FAM135B: variants seen among roughly 807,000 people sequenced by gnomAD.
FAM135B encodes the protein family with sequence similarity 135 member B, also known as protein FAM135B.
A neutral mutation model predicts 127.7 loss-of-function variants in FAM135B; 43 were observed. That is an observed-to-expected ratio of 0.34 (90% CI 0.26 to 0.43). FAM135B has a LOEUF of 0.43. Among genes scored for constraint, FAM135B ranks in the 20% least tolerant of loss-of-function variants. FAM135B has a pLI of 1.00. For synonymous variants in FAM135B, 670 were observed against 665.1 expected, an observed-to-expected ratio of 1.01 and a Z score of -0.11; for missense variants, 1,558 against 1,725.6, an observed-to-expected ratio of 0.90 and a Z score of 1.72.
intron 1 of FAM135B, among the ~76,000 whole-genome samples, chr8:138,386,233 A>C (rs1832209111): frequency 6.6e-6 from 1 of 151,936 alleles, no homozygotes; most frequent in Non-Finnish European, 1.5e-5. Context: ...ACAAAAAAAA[A>C]AACAAAAACA....
At chr8:138,321,642 A>G (rs1294759914) in intron 2 of FAM135B, among the ~76,000 whole-genome samples, 2 of 152,206 alleles carry the variant, frequency 1.3e-5, no homozygotes, top group African/African-American at 2.4e-5. Context: ...TAGTAATGAC[A>G]GTAATTTTCC....
intron 1 of FAM135B, among the ~76,000 whole-genome samples, chr8:138,493,729 A>G (rs1815285055): frequency 6.6e-6 from 1 of 152,188 alleles, no homozygotes; most frequent in African/African-American, 2.4e-5. Context: ...AAAAGAACAA[A>G]TTTACTTAGA....
intron 4 of FAM135B, among the ~76,000 whole-genome samples, chr8:138,259,839 C>T (rs548683153): frequency 6.6e-6 from 1 of 152,298 alleles, no homozygotes; most frequent in African/African-American, 2.4e-5. Context: ...CCATACAGCA[C>T]ATACCTTATA....
intron 1 of FAM135B, among the ~76,000 whole-genome samples, chr8:138,375,498 G>C (rs956164178): frequency 6.6e-6 from 1 of 152,060 alleles, no homozygotes; most frequent in African/African-American, 2.4e-5. Context: ...CTAAACCTCA[G>C]TCTCCTCCTC....
intron 7 of FAM135B, among the ~76,000 whole-genome samples, chr8:138,198,987 G>T (rs1425937675): frequency 3.3e-5 from 5 of 152,290 alleles, no homozygotes; most frequent in African/African-American, 9.6e-5. Context: ...TCTGCCTGCT[G>T]GAAGAAACGC....
At chr8:138,312,113 A>T (rs1482519579) in intron 2 of FAM135B, among the ~76,000 whole-genome samples, 1 of 151,964 alleles carries the variant, frequency 6.6e-6, no homozygotes, top group Non-Finnish European at 1.5e-5. Flanking sequence ...CGCCTGGCTA[A>T]TTTTTGTATT....
chr8:138,218,797 AGAGAGAGGGAGAGAAAG>A (rs1818786677), intron 7 of FAM135B, among the ~76,000 whole-genome samples: 1 of 22,394 alleles, frequency 4.5e-5, no homozygotes, highest in African/African-American at 1.1e-4. Context: ...AGAGAGAGAG[AGAGAGAGGGAGAGAAAG>A]AGAGAGAGAG....
At chr8:138,188,317 A>G (rs79019332) in intron 9 of FAM135B, among the ~76,000 whole-genome samples, 8,788 of 152,298 alleles carry the variant, frequency 0.058, 570 homozygotes, top group African/African-American at 0.16. Context: ...GAAGTACTGC[A>G]GGCCCAGGAC....
At chr8:138,320,482 T>C (rs1827375984) in intron 2 of FAM135B, among the ~76,000 whole-genome samples, 1 of 152,242 alleles carries the variant, frequency 6.6e-6, no homozygotes. Flanking sequence ...CCAGCTGGAT[T>C]CTCGCTCTGA....
intron 7 of FAM135B, among the ~76,000 whole-genome samples, chr8:138,236,050 T>C (rs10104663): frequency 0.19 from 28,993 of 152,122 alleles, 3,064 homozygotes; most frequent in Non-Finnish European, 0.23. Context: ...GAAACAGGTC[T>C]GTTGGGAAAG....
Position 138,131,509 on chromosome 8 carries a change from C to T in FAM135B, c.*1084G>A, listed in dbSNP as rs10090134. The T allele has an allele frequency of 1.2e-4, 18 of 152,638 alleles. No individual in the cohort carries two copies. Among genetic ancestry groups the T allele is most frequent in the South Asian group, 4.1e-4 (2 of 4,826 alleles). 9.5% of individuals were successfully genotyped at this position (152,638 alleles called of 1,614,324 possible). On this transcript the variant is annotated 3_prime_UTR_variant, in exon 20 of 20. Transcript: ENST00000395297. ...CCTGTCGTCTATTGGTTTTTATCAA[C>T]GCAGTGACCTTTCCTAGCCCTTTAT...
At chr8:138,158,921 A>G (rs1586638666) in intron 12 of FAM135B, among the ~76,000 whole-genome samples, 1 of 152,304 alleles carries the variant, frequency 6.6e-6, no homozygotes, top group South Asian at 2.1e-4. Flanking sequence ...ATACCATTTG[A>G]CCCAGCCAAA....
At chr8:138,428,802 T>A (rs1012567235) in intron 1 of FAM135B, among the ~76,000 whole-genome samples, 2 of 152,186 alleles carry the variant, frequency 1.3e-5, no homozygotes, top group African/African-American at 2.4e-5. Context: ...TAGACTTGCT[T>A]TTGTTTCTGC....
chr8:138,132,870 TGTGTG>T lies in FAM135B; in HGVS notation c.4016-77_4016-73del. The stretch of plus-strand genomic sequence containing the variant: ...GTGGAATCTAGAGAACATCACTAGA[TGTGTG>T]TCGAAATTCTGTTCCTGGGCAGACC... On this transcript the variant is annotated intron_variant, in intron 19 of 19. Coordinates refer to ENST00000395297, the MANE Select transcript of FAM135B (RefSeq NM_015912.4). The surrounding 1 kb of genome is among the most constrained non-coding windows in gnomAD (Gnocchi z 4.5). The T allele has an allele frequency of 2.1e-6, 3 of 1,395,418 alleles. No homozygotes were observed. The highest frequency in any genetic ancestry group is 3.0e-6 in the Non-Finnish European group (3 of 984,700). The allele number at this position is 1,395,418 out of a possible 1,614,324, so 86.4% of individuals were successfully genotyped here. A position where few individuals can be genotyped will look rare whatever the true frequency, so the allele number is the denominator to read the frequency against.
chr8:138,150,363 T>A (rs948343641), intron 13 of FAM135B, among the ~76,000 whole-genome samples: 1 of 152,144 alleles, frequency 6.6e-6, no homozygotes, highest in African/African-American at 2.4e-5. Flanking sequence ...AGTTATAATA[T>A]TCGTAATAAA....
At chr8:138,450,989 T>C (rs1836451337) in intron 1 of FAM135B, among the ~76,000 whole-genome samples, 1 of 152,216 alleles carries the variant, frequency 6.6e-6, no homozygotes, top group Non-Finnish European at 1.5e-5. Context: ...ATTTGACAAT[T>C]ATCACAAAAC....
In FAM135B at chr8:138,132,477, C is replaced by A. The variant is rs576687840; in HGVS notation, c.*116G>T. On this transcript the variant is annotated 3_prime_UTR_variant, in exon 20 of 20. Coordinates refer to ENST00000395297, the MANE Select transcript of FAM135B (RefSeq NM_015912.4). The surrounding 1 kb of genome is among the most constrained non-coding windows in gnomAD (Gnocchi z 4.5). ...TCATGTCAGGTTCCACCCGAGCCTCCGTCCCCCAATGCTGTTGAAGCTTCA... is the reference window on the plus strand; with the variant it reads ...TCATGTCAGGTTCCACCCGAGCCTCAGTCCCCCAATGCTGTTGAAGCTTCA... The A allele has an allele frequency of 2.4e-6, 2 of 843,390 alleles. No individual in the cohort carries two copies. The highest frequency in any genetic ancestry group is 1.7e-5 in the African/African-American group (1 of 59,036). 52.2% of individuals were successfully genotyped at this position (843,390 alleles called of 1,614,324 possible).
intron 1 of FAM135B, among the ~76,000 whole-genome samples, chr8:138,490,171 G>A (rs916763443): frequency 2.6e-5 from 4 of 152,192 alleles, no homozygotes; most frequent in African/African-American, 7.2e-5. Flanking sequence ...GGGAGGTTAA[G>A]TTCCTGCTTA....
At chr8:138,466,569 T>C (rs940652607) in intron 1 of FAM135B, among the ~76,000 whole-genome samples, 4 of 152,170 alleles carry the variant, frequency 2.6e-5, no homozygotes, top group Non-Finnish European at 5.9e-5. Context: ...GGCACTAGAA[T>C]GTGTTCACTA....
Sources: allele counts gnomAD v4.1 joint callset (sites outside exome capture counted in the v4.1 genomes callset), GRCh38; gene constraint gnomAD v4.1.1; non-coding constraint Gnocchi (gnomAD v3.1); transcripts MANE v1.5; gene names NCBI Gene and HGNC (gene_info 2026-07-23, HGNC 2026-07-21).